The following PLG variants were observed in gnomAD, a reference collection of about 807,000 sequenced individuals.
PLG encodes the protein plasmin.
A neutral mutation model predicts 104.4 loss-of-function variants in PLG; 41 were observed. The observed-to-expected ratio is 0.39, with a 90% confidence interval of 0.31 to 0.51. PLG has a LOEUF of 0.51. PLG is among the 20% of genes least tolerant of loss of function. PLG has a pLI of 0.76. For synonymous variants in PLG, 337 were observed against 357.1 expected, an observed-to-expected ratio of 0.94 and a Z score of 0.63; for missense variants, 891 against 1,003.6, an observed-to-expected ratio of 0.89 and a Z score of 1.52.
intron 17 of PLG, among the ~76,000 whole-genome samples, chr6:160,748,404 G>GAAAGAAAGAAAGAAAGAAAGAAAGAA (rs1554252976): frequency 1.7e-5 from 1 of 59,964 alleles, no homozygotes; most frequent in Non-Finnish European, 3.1e-5. Flanking sequence ...AAGAAAGGAA[G>GAAAGAAAGAAAGAAAGAAAGAAAGAA]AAAGAAAGAA....
In PLG at chr6:160,744,708, G is replaced by T. The variant is rs1037769818; in HGVS notation, c.2125+3291G>T. Among the ~76,000 whole-genome samples, 2 of 152,000 alleles carry T rather than the reference G, an allele frequency of 1.3e-5. No homozygotes were observed. The highest frequency in any genetic ancestry group is 2.9e-5 in the Non-Finnish European group (2 of 67,966). ...TTTCTTGCCATCTGCTAGCTTTGGGGTTGATTTGCTCTTGTTTCTCTAATT... is the reference window on the plus strand; with the variant it reads ...TTTCTTGCCATCTGCTAGCTTTGGGTTTGATTTGCTCTTGTTTCTCTAATT... On this transcript the variant is annotated intron_variant, in intron 17 of 18. Coordinates refer to ENST00000308192, the MANE Select transcript of PLG (RefSeq NM_000301.5). The surrounding 1 kb of genome is among the most constrained non-coding windows in gnomAD (Gnocchi z 4.5).
In PLG at chr6:160,732,283, A is replaced by G. The variant is rs1778013251; in HGVS notation, c.1587+390A>G. Among the ~76,000 whole-genome samples the G allele has an allele frequency of 6.6e-6, 1 of 152,200 alleles. No homozygotes were observed. Among genetic ancestry groups the G allele is most frequent in the South Asian group, 2.1e-4 (1 of 4,828 alleles). ...AAAAATTTGGATGGGCCATCAGGTC[A>G]CCATGGGACTTCCCTTAGCCTCATG... On this transcript the variant is annotated intron_variant, in intron 12 of 18. Transcript: ENST00000308192. This position sits in a 1 kb window ranked among gnomAD's most constrained non-coding sequence, Gnocchi z 4.5.
intron 9 of PLG, 53 bp from the exon 10 acceptor site, chr6:160,722,355 G>C (rs900579426): frequency 1.1e-5 from 15 of 1,395,542 alleles, no homozygotes; most frequent in African/African-American, 1.4e-5. Context: ...ATTGCTTCAT[G>C]CTTCTTTTTT....
At position 160,718,433 on chromosome 6, in the gene PLG, G is replaced by A; in HGVS notation, c.927G>A (p.Arg309=). ...WSAQTPHTHN[R]TPENFPCKNL... Reference sequence around the variant, plus strand: ...CACAGACCCCTCACACACATAACAGGACACCAGAAAACTTCCCCTGCAAGT... The same window carrying A: ...CACAGACCCCTCACACACATAACAGAACACCAGAAAACTTCCCCTGCAAGT... The change falls in exon 8 of 19, where the codon AGG becomes AGA. Residue 309 remains arginine, a synonymous_variant. Coordinates refer to ENST00000308192, the MANE Select transcript of PLG (RefSeq NM_000301.5). 1 of 1,613,794 alleles carries A rather than the reference G, an allele frequency of 6.2e-7. No individual in the cohort carries two copies. The highest frequency in any genetic ancestry group is 8.5e-7 in the Non-Finnish European group (1 of 1,179,718).
At chr6:160,717,397 T>G (rs1003979009) in intron 7 of PLG, among the ~76,000 whole-genome samples, 2 of 152,240 alleles carry the variant, frequency 1.3e-5, no homozygotes, top group African/African-American at 2.4e-5. Context: ...TCCTTTCCTC[T>G]GACATGTGTC....
chr6:160,727,227 T>C (rs1777934206), intron 10 of PLG, among the ~76,000 whole-genome samples: 1 of 151,778 alleles, frequency 6.6e-6, no homozygotes, highest in Non-Finnish European at 1.5e-5. Flanking sequence ...AATTGGACAC[T>C]GAATAAACTG....
At position 160,712,311 on chromosome 6, in the gene PLG, T is replaced by A. The variant is rs4252089; in HGVS notation, c.408-675T>A. ...TGTGATTTTCATCTAAATGGTTGTC[T>A]CTATACAGCAACTCATCTCTAGAAC... On this transcript the variant is annotated intron_variant, in intron 4 of 18. Transcript: ENST00000308192. The A allele has an allele frequency of 1.0e-2, 1,571 of 157,434 alleles. 33 individuals carry two copies. The highest frequency in any genetic ancestry group is 0.036 in the African/African-American group (1,494 of 41,550). The allele number at this position is 157,434 out of a possible 1,614,324, so 9.8% of individuals were successfully genotyped here. A position where few individuals can be genotyped will look rare whatever the true frequency, so the allele number is the denominator to read the frequency against.
chr6:160,710,311 C>A (rs1673735787), intron 3 of PLG, among the ~76,000 whole-genome samples: 1 of 152,000 alleles, frequency 6.6e-6, no homozygotes, highest in Non-Finnish European at 1.5e-5. Flanking sequence ...CAGTTTAGAT[C>A]ATCTTTAATT....
chr6:160,728,081 A>C (rs1355655288), intron 10 of PLG, among the ~76,000 whole-genome samples: 1 of 151,990 alleles, frequency 6.6e-6, no homozygotes, highest in Non-Finnish European at 1.5e-5. Flanking sequence ...TAATAATTAA[A>C]TTTTGCAAGA....
rs4252096 is a variant in PLG at position 160,713,241 on chromosome 6, C to G, written c.547+116C>G. On this transcript the variant is annotated intron_variant, in intron 5 of 18. Coordinates refer to ENST00000308192, the MANE Select transcript of PLG (RefSeq NM_000301.5). The stretch of plus-strand genomic sequence containing the variant: ...ATAATTGAGTAACGTATTCACCTCT[C>G]GGAAAGAAGCAAAACCCCAGAATTA... 208,939 of 881,654 alleles carry G rather than the reference C, an allele frequency of 0.24. 28,389 individuals are homozygous for G. The highest frequency in any genetic ancestry group is 0.29 in the Non-Finnish European group (155,135 of 529,164). 54.6% of individuals were successfully genotyped at this position (881,654 alleles called of 1,614,324 possible). A position where few individuals can be genotyped will look rare whatever the true frequency, so the allele number is the denominator to read the frequency against.
intron 1 of PLG, among the ~76,000 whole-genome samples, chr6:160,702,554 T>C (rs1777437686): frequency 6.6e-6 from 1 of 152,168 alleles, no homozygotes; most frequent in Admixed American, 6.5e-5. Context: ...CTGGAATGAA[T>C]GGGCAGAGAA....
intron 9 of PLG, among the ~76,000 whole-genome samples, chr6:160,720,211 T>C (rs1358569457): frequency 6.6e-6 from 1 of 152,100 alleles, no homozygotes; most frequent in Non-Finnish European, 1.5e-5. Context: ...GTTTGACTAG[T>C]AATCTGATCT....
rs1215702174 is a variant in PLG at position 160,736,107 on chromosome 6, C to T, written c.1682-780C>T. Among the ~76,000 whole-genome samples the T allele has an allele frequency of 6.6e-6, 1 of 152,162 alleles. No individual in the cohort carries two copies. The highest frequency in any genetic ancestry group is 1.5e-5 in the Non-Finnish European group (1 of 68,036). ...GAAGACCTTGAAGGGCTGGAGACAACAGAGAAGCATTTTTGAATACCCTCT... is the reference window on the plus strand; with the variant it reads ...GAAGACCTTGAAGGGCTGGAGACAATAGAGAAGCATTTTTGAATACCCTCT... On this transcript the variant is annotated intron_variant, in intron 13 of 18. Transcript: ENST00000308192. This position sits in a 1 kb window ranked among gnomAD's most constrained non-coding sequence, Gnocchi z 5.2.
rs1778429023 is a variant in PLG, at chr6:160,752,878, AT to A, written c.2272-17del. 3 of 1,613,218 alleles carry A rather than the reference AT, an allele frequency of 1.9e-6. No individual in the cohort carries two copies. The African/African-American group carries it at 4.0e-5, about 22-fold the overall frequency. Reference sequence around the variant, plus strand: ...GGCAGGCAGCCTAACCCTCACATGCATTTTTCTCTCCCTCTGTATAGGGTGA... The same window carrying A: ...GGCAGGCAGCCTAACCCTCACATGCATTTTCTCTCCCTCTGTATAGGGTGA... On this transcript the variant is annotated intron_variant, in intron 18 of 18. Coordinates refer to ENST00000308192, the MANE Select transcript of PLG (RefSeq NM_000301.5). The surrounding 1 kb of genome is among the most constrained non-coding windows in gnomAD (Gnocchi z 4.7).
intron 5 of PLG, among the ~76,000 whole-genome samples, chr6:160,713,773 T>C (rs62439804): frequency 0.21 from 31,770 of 152,156 alleles, 3,919 homozygotes; most frequent in Non-Finnish European, 0.29. Flanking sequence ...GACTTTGCTG[T>C]TTTGCTGAAG....
intron 4 of PLG, chr6:160,712,034 C>G: frequency 5.4e-6 from 3 of 559,424 alleles, no homozygotes. Context: ...TCCCCCAACA[C>G]TCAACAAATT....
At chr6:160,748,378 A>AGAGAGAGAGAG (rs1562383356) in intron 17 of PLG, among the ~76,000 whole-genome samples, 15 of 41,782 alleles carry the variant, frequency 3.6e-4, no homozygotes, top group Non-Finnish European at 4.2e-4. Context: ...GAAAGAAAGA[A>AGAGAGAGAGAG]AGAAAGAAAG....
Position 160,731,953 on chromosome 6 carries a change from T to G in PLG, c.1587+60T>G. 6.5e-7 allele frequency: 1 copy of G among 1,549,450 alleles called. No individual in the cohort carries two copies. Among genetic ancestry groups the G allele is most frequent in the Admixed American group, 1.7e-5 (1 of 59,942 alleles). The stretch of plus-strand genomic sequence containing the variant: ...GCTCACCAATCTTTGCAAACAGAAT[T>G]GGTTCTGTGTTACAGAAAATCTGAC... On this transcript the variant is annotated intron_variant, in intron 12 of 18. Coordinates refer to ENST00000308192, the MANE Select transcript of PLG (RefSeq NM_000301.5). The surrounding 1 kb of genome is among the most constrained non-coding windows in gnomAD (Gnocchi z 5.1).
At chr6:160,746,903 TG>T (rs1778286002) in intron 17 of PLG, among the ~76,000 whole-genome samples, 1 of 152,096 alleles carries the variant, frequency 6.6e-6, no homozygotes, top group Non-Finnish European at 1.5e-5. Context: ...ATTTTTTATT[TG>T]TATATTTCCC....
Sources: gnomAD v4.1 joint callset for allele counts (sites outside exome capture counted in the v4.1 genomes callset) on GRCh38, gnomAD v4.1.1 for gene constraint, Gnocchi (gnomAD v3.1) non-coding constraint, MANE v1.5 for transcripts, NCBI Gene and HGNC (gene_info 2026-07-23, HGNC 2026-07-21) for gene names.